SUSD6: variants seen among roughly 807,000 people sequenced by gnomAD.
SUSD6 encodes sushi domain containing 6, also known as sushi domain-containing protein 6.
In SUSD6, 16 loss-of-function variants were observed where a neutral mutation model predicts 28.4. The observed-to-expected ratio is 0.56, with a 90% CI of 0.38 to 0.86. The LOEUF (loss-of-function observed/expected upper bound fraction) is 0.86, where lower values mean the gene tolerates loss of function less well. SUSD6 is among the 40% of genes least tolerant of loss of function. SUSD6 has a pLI of 0.00. For synonymous variants in SUSD6, 147 were observed against 159.6 expected, an observed-to-expected ratio of 0.92 and a Z score of 0.59; for missense variants, 341 against 384.2, an observed-to-expected ratio of 0.89 and a Z score of 0.94.
At chr14:69,657,987 T>C (rs1160831905) in intron 1 of SUSD6, among the ~76,000 whole-genome samples, 1 of 152,252 alleles carries the variant, frequency 6.6e-6, no homozygotes, top group Non-Finnish European at 1.5e-5. Flanking sequence ...GATTCACGGC[T>C]GTCGAGTCAG....
chr14:69,624,363 A>G (rs1885083823), intron 1 of SUSD6, among the ~76,000 whole-genome samples: 1 of 152,178 alleles, frequency 6.6e-6, no homozygotes, highest in Non-Finnish European at 1.5e-5. Context: ...GAAAGTATCC[A>G]CGGAATCAGA....
intron 5 of SUSD6, 54 bp downstream of exon 5, chr14:69,709,158 A>G: frequency 7.0e-7 from 1 of 1,428,118 alleles, no homozygotes; most frequent in Admixed American, 2.2e-5. Flanking sequence ...CCTTGCTGGG[A>G]GTGAGGAAGG....
intron 1 of SUSD6, among the ~76,000 whole-genome samples, chr14:69,649,150 A>G (rs1885468734): frequency 6.6e-6 from 1 of 152,236 alleles, no homozygotes; most frequent in Non-Finnish European, 1.5e-5. Context: ...ATAGATAAAC[A>G]TAATTCCTCT....
At chr14:69,703,624 T>C (rs1414002777) in intron 3 of SUSD6, 32 bp downstream of exon 3, 1 of 1,597,242 alleles carries the variant, frequency 6.3e-7, no homozygotes, top group East Asian at 2.2e-5. Context: ...GGGATGCTGC[T>C]GGGGTTCTGC....
At chr14:69,637,432 T>C (rs1434530016) in intron 1 of SUSD6, among the ~76,000 whole-genome samples, 1 of 152,078 alleles carries the variant, frequency 6.6e-6, no homozygotes, top group Non-Finnish European at 1.5e-5. Flanking sequence ...ACACAGCAAA[T>C]GTTGAAGGAA....
intron 1 of SUSD6, among the ~76,000 whole-genome samples, chr14:69,640,906 T>G (rs1467470555): frequency 6.6e-6 from 1 of 152,214 alleles, no homozygotes; most frequent in Non-Finnish European, 1.5e-5. Context: ...CATGGGTAAA[T>G]GCCCTTTTTA....
chr14:69,704,977 CAGAG>C (rs1171460688), intron 4 of SUSD6, among the ~76,000 whole-genome samples: 2 of 152,122 alleles, frequency 1.3e-5, no homozygotes, highest in Non-Finnish European at 2.9e-5. Flanking sequence ...AATTGAGGCT[CAGAG>C]AGGTTATTCA....
intron 1 of SUSD6, among the ~76,000 whole-genome samples, chr14:69,629,002 C>G (rs1365472120): frequency 1.3e-5 from 2 of 152,146 alleles, no homozygotes; most frequent in African/African-American, 4.8e-5. Flanking sequence ...CCACTGAGCT[C>G]GGTTCTGCCT....
chr14:69,667,402 A>C (rs1319672166), intron 2 of SUSD6, among the ~76,000 whole-genome samples: 1 of 114,506 alleles, frequency 8.7e-6, no homozygotes, highest in Non-Finnish European at 1.6e-5. Flanking sequence ...TTTGAGACGG[A>C]GTCTCGCTCT....
At chr14:69,644,492 A>G (rs1348320677) in intron 1 of SUSD6, among the ~76,000 whole-genome samples, 4 of 152,158 alleles carry the variant, frequency 2.6e-5, no homozygotes, top group Non-Finnish European at 4.4e-5. Flanking sequence ...TCTTCTAGAA[A>G]TAGAAAAATT....
intron 1 of SUSD6, among the ~76,000 whole-genome samples, chr14:69,615,186 T>G (rs1884941139): frequency 6.6e-6 from 1 of 152,210 alleles, no homozygotes; most frequent in African/African-American, 2.4e-5. Flanking sequence ...AATGTAAGCT[T>G]TGGGACAAAT....
intron 1 of SUSD6, among the ~76,000 whole-genome samples, chr14:69,637,403 C>T (rs12435686): frequency 0.47 from 71,834 of 151,926 alleles, 19,988 homozygotes; most frequent in East Asian, 0.69. Context: ...GCTGGTGCAG[C>T]GCCTGGGATG....
At chr14:69,710,598 G>A (rs894267643) in intron 5 of SUSD6, among the ~76,000 whole-genome samples, 4 of 152,194 alleles carry the variant, frequency 2.6e-5, no homozygotes, top group Non-Finnish European at 4.4e-5. Context: ...AAAGTCACAC[G>A]ACTGGCAGAT....
intron 4 of SUSD6, among the ~76,000 whole-genome samples, chr14:69,705,320 T>TA (rs879849783): frequency 5.6e-3 from 754 of 134,684 alleles, no homozygotes; most frequent in African/African-American, 7.7e-3. Context: ...TCTGTCCCAT[T>TA]AAAAAAAAAA....
At position 69,654,791 on chromosome 14, in the gene SUSD6, G is replaced by T. The variant is rs141287694; in HGVS notation, c.-80-3722G>T. On this transcript the variant is annotated intron_variant, in intron 1 of 5. Coordinates refer to ENST00000342745, the MANE Select transcript of SUSD6 (RefSeq NM_014734.4). Reference sequence around the variant, plus strand: ...AATTTCTTTTTTTTTTTTTTTTTTGGTGTGTGTGTGTGTGTGTGTGTGAAA... The same window carrying T: ...AATTTCTTTTTTTTTTTTTTTTTTGTTGTGTGTGTGTGTGTGTGTGTGAAA... Among the ~76,000 whole-genome samples the T allele has an allele frequency of 7.1e-3, 231 of 32,394 alleles. 1 individual carries two copies. Among genetic ancestry groups the T allele is most frequent in the African/African-American group, 0.017 (213 of 12,832 alleles). The allele number at this position is 32,394 out of a possible 152,430, so 21.3% of individuals were successfully genotyped here. A position where few individuals can be genotyped will look rare whatever the true frequency, so the allele number is the denominator to read the frequency against.
chr14:69,648,178 C>G (rs1595041208), intron 1 of SUSD6, among the ~76,000 whole-genome samples: 1 of 152,022 alleles, frequency 6.6e-6, no homozygotes, highest in Non-Finnish European at 1.5e-5. Flanking sequence ...ATATATTTCC[C>G]CATATAATAC....
chr14:69,679,945 T>G lies in SUSD6; in HGVS notation c.121+21232T>G, dbSNP rs553124516. ...TAATTTTATGCCTTCTCAGAAACAC[T>G]TATATGGCCTGAATGGAACATCTTC... On this transcript the variant is annotated intron_variant, in intron 2 of 5. Coordinates refer to ENST00000342745, the MANE Select transcript of SUSD6 (RefSeq NM_014734.4). Among the ~76,000 whole-genome samples, 3 of 152,320 alleles carry G rather than the reference T, an allele frequency of 2.0e-5. No homozygotes were observed. The South Asian group carries it at 6.2e-4, about 32-fold the overall frequency.
chr14:69,668,037 C>T (rs1885770936), intron 2 of SUSD6, among the ~76,000 whole-genome samples: 1 of 152,208 alleles, frequency 6.6e-6, no homozygotes, highest in East Asian at 1.9e-4. Flanking sequence ...GGCTTGTCCT[C>T]TGTGTGAGGA....
At chr14:69,683,806 T>TTA (rs757217319) in intron 2 of SUSD6, among the ~76,000 whole-genome samples, 9 of 152,164 alleles carry the variant, frequency 5.9e-5, no homozygotes, top group Non-Finnish European at 1.0e-4. Context: ...TGAGGATAAA[T>TTA]TATAGTATGC....
Sources: allele counts gnomAD v4.1 joint callset (sites outside exome capture counted in the v4.1 genomes callset), GRCh38; gene constraint gnomAD v4.1.1; transcripts MANE v1.5; gene names NCBI Gene and HGNC (gene_info 2026-07-23, HGNC 2026-07-21).